Variants in LRRC61 observed in about 807,000 individuals in gnomAD.
The protein encoded by LRRC61 is leucine-rich repeat-containing protein 61.
In LRRC61, 9 loss-of-function variants were observed where a neutral mutation model predicts 15.1. The ratio of observed to expected loss-of-function variants is 0.60; its 90% CI spans 0.36 to 1.04. The LOEUF (loss-of-function observed/expected upper bound fraction) is 1.04, where lower values mean the gene tolerates loss of function less well. Among genes scored for constraint, LRRC61 ranks in the 50% least tolerant of loss-of-function variants. The probability of loss-of-function intolerance (pLI) is 0.01; values close to 1 mark genes in which losing one functional copy is unlikely to be tolerated. For synonymous variants in LRRC61, 173 were observed against 158.6 expected (o/e 1.09, Z -0.68); for missense variants, 344 against 335.6 (o/e 1.03, Z -0.20).
At chr7:150,325,011 C>G (rs1797907053) in intron 1 of LRRC61, among the ~76,000 whole-genome samples, 1 of 152,248 alleles carries the variant, frequency 6.6e-6, no homozygotes, top group South Asian at 2.1e-4. Flanking sequence ...CCTCTCACCT[C>G]CCTGTATTGT....
In LRRC61 at chr7:150,337,104, T is replaced by A. The variant is rs1235879510; in HGVS notation, c.243T>A (p.Asn81Lys). 1 of 1,612,694 alleles carries A rather than the reference T, an allele frequency of 6.2e-7. No individual in the cohort carries two copies. Residue 81 changes from asparagine (N) to lysine (K), a missense_variant, in exon 3 of 3, where the codon AAT becomes AAA. Coordinates refer to ENST00000359623, the MANE Select transcript of LRRC61 (RefSeq NM_001142928.2). ...LASLRQLAVL[N>K]VSNNRLTGLE... is the part of the protein sequence containing the mutation. ...CCTTGCGCCAGCTAGCTGTGCTCAA[T>A]GTCTCCAACAATCGGCTGACGGGCC...
At chr7:150,331,517 C>T (rs2129618294) in intron 2 of LRRC61, 1 of 187,972 alleles carries the variant, frequency 5.3e-6, no homozygotes, top group East Asian at 1.6e-4. Flanking sequence ...CATTTTCCAT[C>T]TCCCGATTAC....
rs530559551 is a variant in LRRC61, at chr7:150,337,173, C to T, written c.312C>T (p.Ala104=). 4.4e-5 allele frequency: 71 copies of T among 1,609,334 alleles called. No homozygotes were observed. Among genetic ancestry groups the T allele is most frequent in the Admixed American group, 1.3e-4 (8 of 60,030 alleles). The change falls in exon 3 of 3, where the codon GCC becomes GCT. Residue 104 remains alanine, a synonymous_variant. Transcript: ENST00000359623. ...GTGAGAACTTGCAGAGTCTCAATGC[C>T]GCAGGCAACCTACTGGCCACCCCGG... ...ATCENLQSLN[A]AGNLLATPGQ...
the LRRC61 span, among the ~76,000 whole-genome samples, chr7:150,313,590 G>T: frequency 6.6e-6 from 1 of 152,290 alleles, no homozygotes; most frequent in Non-Finnish European, 1.5e-5. Flanking sequence ...GAAGGGAGGG[G>T]GGTACAGTGA....
chr7:150,319,459 G>A (rs1432811249), upstream of LRRC61, among the ~76,000 whole-genome samples: 3 of 152,054 alleles, frequency 2.0e-5, no homozygotes, highest in Non-Finnish European at 4.4e-5. Context: ...TGCCTGCCTC[G>A]GCCTCCCAAA....
At chr7:150,322,581 C>T (rs968892155), upstream of LRRC61, 10 of 152,268 alleles carry the variant, frequency 6.6e-5, no homozygotes, top group African/African-American at 2.4e-4. Flanking sequence ...GTTCCGGGAA[C>T]TGCCCACCCC....
chr7:150,329,298 A>G (rs1246148913), intron 2 of LRRC61, among the ~76,000 whole-genome samples: 1 of 152,262 alleles, frequency 6.6e-6, no homozygotes. Context: ...AAAGTAGACA[A>G]CAGCACAAAC....
rs561351782 is a variant in LRRC61, at chr7:150,335,812, C to T, written c.-144-906C>T. 2.6e-5 allele frequency among the ~76,000 whole-genome samples: 4 copies of T among 152,242 alleles called. No homozygotes were observed. The highest frequency in any genetic ancestry group is 5.9e-5 in the Non-Finnish European group (4 of 68,032). On this transcript the variant is annotated intron_variant, in intron 2 of 2. Coordinates refer to ENST00000359623, the MANE Select transcript of LRRC61 (RefSeq NM_001142928.2). The surrounding 1 kb of genome is among the most constrained non-coding windows in gnomAD (Gnocchi z 4.3). ...ACCAGGCCACCCCTGCTTTGTGCCACAGTCATGCGCTGGCACCTGGACTCA... is the reference window on the plus strand; with the variant it reads ...ACCAGGCCACCCCTGCTTTGTGCCATAGTCATGCGCTGGCACCTGGACTCA...
At position 150,330,202 on chromosome 7, in the gene LRRC61, G is replaced by A. The variant is rs958371608; in HGVS notation, c.-145+4192G>A. On this transcript the variant is annotated intron_variant, in intron 2 of 2. Transcript: ENST00000359623. The surrounding 1 kb of genome is among the most constrained non-coding windows in gnomAD (Gnocchi z 4.6). ...CTCCTCACCCAGCTCCAGCGCCAGC[G>A]CAGCCTCCTAGCCCACCAGCCCTTT... 2.0e-5 allele frequency: 12 copies of A among 591,188 alleles called. No homozygotes were observed. Among genetic ancestry groups the A allele is most frequent in the African/African-American group, 1.1e-4 (6 of 53,538 alleles). The allele number at this position is 591,188 out of a possible 1,614,324, so 36.6% of individuals were successfully genotyped here. A position where few individuals can be genotyped will look rare whatever the true frequency, so the allele number is the denominator to read the frequency against.
chr7:150,322,125 G>C (rs896876288), upstream of LRRC61, among the ~76,000 whole-genome samples: 10 of 152,232 alleles, frequency 6.6e-5, no homozygotes, highest in African/African-American at 2.4e-4. Context: ...GAGTGGCAGA[G>C]CACCAGAGTG....
At chr7:150,315,312 AGG>A in the LRRC61 span, among the ~76,000 whole-genome samples, 1 of 152,108 alleles carries the variant, frequency 6.6e-6, no homozygotes, top group Non-Finnish European at 1.5e-5. Flanking sequence ...AACATGATTA[AGG>A]TGGAAACAGC....
At chr7:150,334,707 C>T (rs894519659) in intron 2 of LRRC61, among the ~76,000 whole-genome samples, 2 of 152,242 alleles carry the variant, frequency 1.3e-5, no homozygotes, top group Non-Finnish European at 2.9e-5. Flanking sequence ...GTCCCACCTG[C>T]ATTTCACATG....
intron 2 of LRRC61, among the ~76,000 whole-genome samples, chr7:150,329,398 C>T (rs907237829): frequency 6.6e-6 from 1 of 152,228 alleles, no homozygotes; most frequent in African/African-American, 2.4e-5. Flanking sequence ...GACCGAGGTA[C>T]GGTATCCAAG....
the LRRC61 span, among the ~76,000 whole-genome samples, chr7:150,311,659 A>T: frequency 6.6e-6 from 1 of 151,830 alleles, no homozygotes; most frequent in Non-Finnish European, 1.5e-5. Flanking sequence ...CCCTTTCCTC[A>T]TATTTCTATT....
At chr7:150,327,500 CA>C (rs1797986310) in intron 2 of LRRC61, among the ~76,000 whole-genome samples, 1 of 152,062 alleles carries the variant, frequency 6.6e-6, no homozygotes, top group East Asian at 1.9e-4. Context: ...TCCTTTTAAA[CA>C]ATCTTGTAGC....
At chr7:150,323,830 C>G (rs1020120702) in intron 1 of LRRC61, 1 of 388,136 alleles carries the variant, frequency 2.6e-6, no homozygotes, top group Admixed American at 2.8e-5. Context: ...GACGAGGAAA[C>G]CGAGGCGTGT....
At chr7:150,336,520 G>T (rs1392776883) in intron 2 of LRRC61, among the ~76,000 whole-genome samples, 198 bp from the exon 3 acceptor site, 1 of 152,248 alleles carries the variant, frequency 6.6e-6, no homozygotes, top group Non-Finnish European at 1.5e-5. Context: ...GCCAGTCTGG[G>T]CTGCTCCCCT....
At chr7:150,319,871 T>C (rs1467582115), upstream of LRRC61, among the ~76,000 whole-genome samples, 3 of 152,194 alleles carry the variant, frequency 2.0e-5, no homozygotes, top group Admixed American at 6.5e-5. Context: ...GTCCTATTTA[T>C]CCTTTGTAAA....
In LRRC61 at chr7:150,337,868, CTG is replaced by C; in HGVS notation, c.*231_*232del. ...TGTAAGGGCTCCCACATCCGTGAGC[CTG>C]TGTCCGCAGCTGCTGCCACTCTGGG... On this transcript the variant is annotated 3_prime_UTR_variant, in exon 3 of 3. Transcript: ENST00000359623. 1.7e-6 allele frequency: 1 copy of C among 576,574 alleles called. No homozygotes were observed. Among genetic ancestry groups the C allele is most frequent in the Non-Finnish European group, 3.1e-6 (1 of 327,810 alleles). The allele number at this position is 576,574 out of a possible 1,614,324, so 35.7% of individuals were successfully genotyped here.
Sources: gnomAD v4.1 joint callset for allele counts (sites outside exome capture counted in the v4.1 genomes callset) on GRCh38, gnomAD v4.1.1 for gene constraint, Gnocchi (gnomAD v3.1) non-coding constraint, MANE v1.5 for transcripts, NCBI Gene and HGNC (gene_info 2026-07-23, HGNC 2026-07-21) for gene names.